RPTOR: variants seen among roughly 807,000 people sequenced by gnomAD.
RPTOR encodes regulatory associated protein of MTOR complex 1, also known as regulatory-associated protein of mTOR.
Under a neutral mutation model 169.9 loss-of-function variants are expected in RPTOR, and 21 were observed. The ratio of observed to expected loss-of-function variants is 0.12; its 90% CI spans 0.09 to 0.18. The LOEUF is 0.18. Among genes scored for constraint, RPTOR ranks in the 10% least tolerant of loss-of-function variants. RPTOR has a pLI of 1.00. For missense variants in RPTOR, 1,133 were observed against 1,855.9 expected, an observed-to-expected ratio of 0.61 and a Z score of 7.16; for synonymous variants, 732 against 753.2, an observed-to-expected ratio of 0.97 and a Z score of 0.46.
intron 24 of RPTOR, among the ~76,000 whole-genome samples, chr17:80,934,628 A>G (rs1027194318): frequency 2.6e-5 from 4 of 152,218 alleles, no homozygotes; most frequent in African/African-American, 7.2e-5. Context: ...TGCTGGGATT[A>G]TGGATGTGAG....
chr17:80,556,036 T>TC (rs1599545295), intron 1 of RPTOR, among the ~76,000 whole-genome samples: 2 of 151,310 alleles, frequency 1.3e-5, no homozygotes, highest in Non-Finnish European at 1.5e-5. Flanking sequence ...GTTTTTTTTT[T>TC]CTTAAATCTA....
At chr17:80,610,440 G>T (rs1403716457) in intron 1 of RPTOR, among the ~76,000 whole-genome samples, 1 of 152,182 alleles carries the variant, frequency 6.6e-6, no homozygotes, top group Non-Finnish European at 1.5e-5. Context: ...AGGGAGTTGA[G>T]ATGACGGGGC....
rs548678239 is a variant in RPTOR, at chr17:80,964,418, G to A, written c.*88G>A. On this transcript the variant is annotated 3_prime_UTR_variant, in exon 34 of 34. Transcript: ENST00000306801. ...CGGGGCACGGGGCGTCGGCTGCTGC[G>A]GCCCCGCAGTGTGAACGTTGGCTGC... The A allele has an allele frequency of 3.2e-5, 43 of 1,333,570 alleles. No individual in the cohort carries two copies. In the East Asian group the frequency reaches 4.9e-4, roughly 15 times the overall value. The allele number at this position is 1,333,570 out of a possible 1,614,324, so 82.6% of individuals were successfully genotyped here.
At chr17:80,696,148 G>A (rs2066034476) in intron 3 of RPTOR, among the ~76,000 whole-genome samples, 2 of 152,080 alleles carry the variant, frequency 1.3e-5, no homozygotes, top group Admixed American at 6.5e-5. Context: ...AAAGACTCAG[G>A]GTTCCATTTA....
At chr17:80,913,705 T>G (rs765311671) in intron 21 of RPTOR, among the ~76,000 whole-genome samples, 83 of 152,094 alleles carry the variant, frequency 5.5e-4, no homozygotes, top group South Asian at 3.8e-3. Context: ...CACCCACATT[T>G]CCCTCCCAAA....
rs960900968 is a variant in RPTOR at position 80,633,308 on chromosome 17, C to T, written c.265+7515C>T. 2.8e-4 allele frequency among the ~76,000 whole-genome samples: 42 copies of T among 152,306 alleles called. No individual in the cohort carries two copies. The highest frequency in any genetic ancestry group is 5.5e-4 in the African/African-American group (23 of 41,558). On this transcript the variant is annotated intron_variant, in intron 2 of 33. Coordinates refer to ENST00000306801, the MANE Select transcript of RPTOR (RefSeq NM_020761.3). This position sits in a 1 kb window ranked among gnomAD's most constrained non-coding sequence, Gnocchi z 4.1. ...CATTCGCGTGGACGTGTGACTGCCACGTAAGCGTCCGCTGCATGCAGGTTT... is the reference window on the plus strand; with the variant it reads ...CATTCGCGTGGACGTGTGACTGCCATGTAAGCGTCCGCTGCATGCAGGTTT...
At chr17:80,668,793 A>C (rs1048326555) in intron 3 of RPTOR, among the ~76,000 whole-genome samples, 1 of 152,194 alleles carries the variant, frequency 6.6e-6, no homozygotes, top group African/African-American at 2.4e-5. Flanking sequence ...GTCCTGCTGG[A>C]GTTTAGTCTC....
rs1205948786 is a variant in RPTOR at position 80,966,069 on chromosome 17, G to C, written c.*1739G>C. ...CAACACGCGTTTCTGTTTGTTTTGA[G>C]ACAAAATCACCACCTGTCAAAAGGC... On this transcript the variant is annotated 3_prime_UTR_variant, in exon 34 of 34. Transcript: ENST00000306801. 2 of 231,172 alleles carry C rather than the reference G, an allele frequency of 8.7e-6. No homozygotes were observed. The highest frequency in any genetic ancestry group is 6.1e-5 in the East Asian group (1 of 16,322). 14.3% of individuals were successfully genotyped at this position (231,172 alleles called of 1,614,324 possible). A position where few individuals can be genotyped will look rare whatever the true frequency, so the allele number is the denominator to read the frequency against.
intron 6 of RPTOR, among the ~76,000 whole-genome samples, chr17:80,757,119 G>A (rs1326547117): frequency 6.6e-6 from 1 of 152,156 alleles, no homozygotes; most frequent in Non-Finnish European, 1.5e-5. Context: ...GCCAGGAGAT[G>A]CAGAGAAGGG....
At chr17:80,620,378 AC>A (rs2143516596) in intron 1 of RPTOR, among the ~76,000 whole-genome samples, 1 of 152,360 alleles carries the variant, frequency 6.6e-6, no homozygotes, top group Admixed American at 6.5e-5. Context: ...TTATTAAAAA[AC>A]ATTAATCAAG....
chr17:80,546,357 T>C (rs1309050768), intron 1 of RPTOR, among the ~76,000 whole-genome samples: 3 of 152,244 alleles, frequency 2.0e-5, no homozygotes, highest in Non-Finnish European at 4.4e-5. Flanking sequence ...AGTGTCCTGT[T>C]GCTGTAACTT....
At chr17:80,566,252 A>G (rs1208978969) in intron 1 of RPTOR, among the ~76,000 whole-genome samples, 2 of 152,152 alleles carry the variant, frequency 1.3e-5, no homozygotes, top group Non-Finnish European at 1.5e-5. Context: ...TTAAGAGCCC[A>G]ATGTTTGGTG....
chr17:80,888,346 GC>G (rs1399634012), intron 17 of RPTOR, among the ~76,000 whole-genome samples: 1 of 152,144 alleles, frequency 6.6e-6, no homozygotes, highest in African/African-American at 2.4e-5. Context: ...AAATTCCTGG[GC>G]TCAAGTGATC....
Position 80,913,744 on chromosome 17 carries a change from C to T in RPTOR, c.2520+4815C>T, listed in dbSNP as rs1036739914. ...CCAGGATTACAGGCATGAGCCACTG[C>T]ACCTGGCCTGCTTTTAGGTTTTTTT... is the stretch of plus-strand genomic sequence containing the variant. On this transcript the variant is annotated intron_variant, in intron 21 of 33. Transcript: ENST00000306801. Among the ~76,000 whole-genome samples the T allele has an allele frequency of 3.3e-5, 5 of 152,322 alleles. No homozygotes were observed. The South Asian group carries it at 6.2e-4, about 19-fold the overall frequency.
chr17:80,926,905 A>G (rs1193166041), intron 24 of RPTOR, among the ~76,000 whole-genome samples: 1 of 152,244 alleles, frequency 6.6e-6, no homozygotes, highest in Non-Finnish European at 1.5e-5. Flanking sequence ...AAAAGAATCA[A>G]AGAAACAAAC....
At chr17:80,712,746 T>C (rs865787825) in intron 4 of RPTOR, among the ~76,000 whole-genome samples, 4 of 152,358 alleles carry the variant, frequency 2.6e-5, no homozygotes, top group Non-Finnish European at 2.9e-5. Context: ...ACTGTGAAGC[T>C]GTCTTCCAAC....
intron 20 of RPTOR, among the ~76,000 whole-genome samples, chr17:80,899,094 C>G (rs771390526): frequency 5.5e-4 from 84 of 152,256 alleles, no homozygotes; most frequent in African/African-American, 1.9e-3. Context: ...AGCCCAGACA[C>G]GCCAACTTGT....
intron 9 of RPTOR, among the ~76,000 whole-genome samples, chr17:80,830,696 T>C (rs1247570803): frequency 2.0e-5 from 3 of 151,900 alleles, no homozygotes; most frequent in Non-Finnish European, 4.4e-5. Flanking sequence ...AGATCGCAGG[T>C]GCACTGCTCC....
chr17:80,884,884 C>A (rs2068226623), intron 16 of RPTOR, 124 bp from the exon 17 acceptor site: 1 of 1,291,760 alleles, frequency 7.7e-7, no homozygotes. Context: ...GAGCCTTGGG[C>A]CTGGAGAGCT....
Sources: allele counts gnomAD v4.1 joint callset (sites outside exome capture counted in the v4.1 genomes callset), GRCh38; gene constraint gnomAD v4.1.1; non-coding constraint Gnocchi (gnomAD v3.1); transcripts MANE v1.5; gene names NCBI Gene and HGNC (gene_info 2026-07-23, HGNC 2026-07-21).